The following ATAD2B variants were observed in gnomAD, a reference collection of about 807,000 sequenced individuals.
The protein encoded by ATAD2B is ATPase family AAA domain-containing protein 2B.
In ATAD2B, 40 loss-of-function variants were observed where a neutral mutation model predicts 167.6. The ratio of observed to expected loss-of-function variants is 0.24; its 90% CI spans 0.19 to 0.31. The LOEUF is 0.31. Ranked by LOEUF, ATAD2B falls within the 10% of genes least tolerant of loss-of-function variation. ATAD2B has a pLI of 1.00. For synonymous variants in ATAD2B, 579 were observed against 596.5 expected, an observed-to-expected ratio of 0.97 and a Z score of 0.43; for missense variants, 1,242 against 1,757.2, an observed-to-expected ratio of 0.71 and a Z score of 5.24.
chr2:23,918,165 A>C lies in ATAD2B; in HGVS notation c.216+8390T>G, dbSNP rs1317184898. Among the ~76,000 whole-genome samples the C allele has an allele frequency of 6.7e-5, 10 of 150,208 alleles. No individual in the cohort carries two copies. The East Asian group carries it at 2.0e-3, about 30-fold the overall frequency. On this transcript the variant is annotated intron_variant, in intron 1 of 27. Transcript: ENST00000238789. ...AAGATTTCTTGAGCCCAGGAGTTTG[A>C]GACCAGCTTGGGCAACATAGCAAAA...
chr2:23,793,636 G>A (rs953974590), intron 19 of ATAD2B, among the ~76,000 whole-genome samples: 5 of 152,236 alleles, frequency 3.3e-5, no homozygotes, highest in African/African-American at 9.6e-5. Flanking sequence ...CAGAAAGCGA[G>A]TGAGGCTGGG....
intron 13 of ATAD2B, among the ~76,000 whole-genome samples, chr2:23,842,916 C>T (rs1184200319): frequency 2.0e-5 from 3 of 152,094 alleles, no homozygotes; most frequent in East Asian, 1.9e-4. Flanking sequence ...ATAACAGAAT[C>T]CAGAGTCTCC....
chr2:23,910,241 C>T (rs998967208), intron 1 of ATAD2B, among the ~76,000 whole-genome samples: 2 of 146,592 alleles, frequency 1.4e-5, no homozygotes, highest in Admixed American at 7.0e-5. Context: ...TGCAATGGCG[C>T]GATCTCAGCT....
intron 2 of ATAD2B, among the ~76,000 whole-genome samples, chr2:23,889,214 C>A (rs564618444): frequency 6.6e-6 from 1 of 152,268 alleles, no homozygotes; most frequent in Non-Finnish European, 1.5e-5. Context: ...GTCGCCCAGG[C>A]TGGAGTACAG....
chr2:23,906,182 CA>C (rs921620381), intron 1 of ATAD2B, among the ~76,000 whole-genome samples: 1 of 150,094 alleles, frequency 6.7e-6, no homozygotes, highest in Non-Finnish European at 1.5e-5. Flanking sequence ...ACTAAAAATA[CA>C]AAAAAAAATT....
At chr2:23,760,697 T>TACACACAC (rs367725351) in intron 24 of ATAD2B, among the ~76,000 whole-genome samples, 114 of 118,064 alleles carry the variant, frequency 9.7e-4, no homozygotes, top group East Asian at 8.1e-3. Context: ...AATTTATATA[T>TACACACAC]ATACACACAC....
At chr2:23,812,224 A>G (rs1393039054) in intron 17 of ATAD2B, among the ~76,000 whole-genome samples, 2 of 152,058 alleles carry the variant, frequency 1.3e-5, no homozygotes, top group Non-Finnish European at 2.9e-5. Context: ...CAAAGTAACA[A>G]GACAGAAGAA....
rs1409852815 is a variant in ATAD2B, at chr2:23,863,461, A to C, written c.1399T>G (p.Phe467Val). 2 of 1,554,150 alleles carry C rather than the reference A, an allele frequency of 1.3e-6. No individual in the cohort carries two copies. The highest frequency in any genetic ancestry group is 1.7e-6 in the Non-Finnish European group (2 of 1,148,160). ...ECSQGDKKVA[F>V]FMRKGADCLS... is the part of the protein sequence containing the mutation. The stretch of plus-strand genomic sequence containing the variant: ...CAATCTGCTCCTTTTCGCATAAAAA[A>C]AGCCACTTTTTTGTCTCCTTGGCTG... The change falls in exon 12 of 28, where the codon TTT becomes GTT. Residue 467 changes from phenylalanine (F) to valine (V), a missense_variant. Coordinates refer to ENST00000238789, the MANE Select transcript of ATAD2B (RefSeq NM_017552.4).
At chr2:23,892,069 T>C (rs1699579762) in intron 2 of ATAD2B, among the ~76,000 whole-genome samples, 1 of 152,222 alleles carries the variant, frequency 6.6e-6, no homozygotes, top group Admixed American at 6.5e-5. Flanking sequence ...GCAGTCCACA[T>C]AGGTGGTTAT....
At chr2:23,838,436 C>A (rs1558635299) in intron 13 of ATAD2B, among the ~76,000 whole-genome samples, 2 of 150,118 alleles carry the variant, frequency 1.3e-5, no homozygotes, top group Admixed American at 6.6e-5. Flanking sequence ...TTAAATTATA[C>A]CAAAAGTTGT....
intron 13 of ATAD2B, among the ~76,000 whole-genome samples, chr2:23,850,976 A>C (rs1179152296): frequency 3.9e-5 from 6 of 152,184 alleles, no homozygotes; most frequent in African/African-American, 1.4e-4. Context: ...AAGAGACCTG[A>C]AAAAGCTAGC....
intron 1 of ATAD2B, among the ~76,000 whole-genome samples, chr2:23,897,814 C>T (rs982808466): frequency 6.6e-6 from 1 of 152,168 alleles, no homozygotes; most frequent in Admixed American, 6.5e-5. Flanking sequence ...CTCCAAGGGG[C>T]CTTGGTTCCT....
the ATAD2B span, chr2:23,689,219 C>T: frequency 6.6e-6 from 1 of 152,306 alleles, no homozygotes; most frequent in Non-Finnish European, 1.5e-5. Flanking sequence ...CCCTCCACCC[C>T]ACAGGTGACC....
At chr2:23,681,709 AG>A in the ATAD2B span, among the ~76,000 whole-genome samples, 78 of 152,290 alleles carry the variant, frequency 5.1e-4, no homozygotes, top group African/African-American at 1.8e-3. The surrounding 1 kb of genome is among the most constrained non-coding windows in gnomAD (Gnocchi z 4.2). Flanking sequence ...AATTAGTGGC[AG>A]TGCTGGAACA....
rs560775524 is a variant in ATAD2B, at chr2:23,925,200, C to T, written c.216+1355G>A. ...CAAAGTACTTATTCTCAACAGTTTG[C>T]ACAACTTTCAGATTTAACCTTATTT... On this transcript the variant is annotated intron_variant, in intron 1 of 27. Coordinates refer to ENST00000238789, the MANE Select transcript of ATAD2B (RefSeq NM_017552.4). 2.9e-3 allele frequency among the ~76,000 whole-genome samples: 435 copies of T among 152,254 alleles called. 2 individuals carry two copies. The Middle Eastern group carries it at 0.037, about 13-fold the overall frequency.
Position 23,757,425 on chromosome 2 carries a change from A to G in ATAD2B, c.4071T>C (p.Asp1357=). The change falls in exon 25 of 28, where the codon GAT becomes GAC. Residue 1357 remains aspartate (D), a synonymous_variant. Coordinates refer to ENST00000238789, the MANE Select transcript of ATAD2B (RefSeq NM_017552.4). The part of the protein sequence containing the change: ...SDVEVKDAEL[D]KEGASKVKKY... Reference sequence around the variant, plus strand: ...TTCAAATATTAGCTCTACCTTCTTTATCCAGTTCTGCATCTTTAACCTCCA... The same window carrying G: ...TTCAAATATTAGCTCTACCTTCTTTGTCCAGTTCTGCATCTTTAACCTCCA... The G allele has an allele frequency of 6.7e-7, 1 of 1,491,336 alleles. No homozygotes were observed. Among genetic ancestry groups the G allele is most frequent in the Non-Finnish European group, 8.9e-7 (1 of 1,124,252 alleles). 92.4% of individuals were successfully genotyped at this position (1,491,336 alleles called of 1,614,324 possible).
chr2:23,909,986 C>A (rs957416914), intron 1 of ATAD2B, among the ~76,000 whole-genome samples: 1 of 151,534 alleles, frequency 6.6e-6, no homozygotes, highest in African/African-American at 2.4e-5. Flanking sequence ...CCTTAGCTTC[C>A]CAAGTAGCTG....
intron 2 of ATAD2B, among the ~76,000 whole-genome samples, chr2:23,892,910 C>T (rs1699736499): frequency 6.6e-6 from 1 of 152,200 alleles, no homozygotes; most frequent in South Asian, 2.1e-4. Context: ...AAAATAGCAT[C>T]TGTACTCACA....
intron 12 of ATAD2B, among the ~76,000 whole-genome samples, chr2:23,861,979 T>C (rs770890382): frequency 2.6e-5 from 4 of 152,204 alleles, no homozygotes; most frequent in Non-Finnish European, 5.9e-5. Flanking sequence ...GGCGGGAGGA[T>C]AGCTGAAGGC....
Sources: gnomAD v4.1 joint callset for allele counts (sites outside exome capture counted in the v4.1 genomes callset) on GRCh38, gnomAD v4.1.1 for gene constraint, Gnocchi (gnomAD v3.1) non-coding constraint, MANE v1.5 for transcripts, NCBI Gene and HGNC (gene_info 2026-07-23, HGNC 2026-07-21) for gene names.